Variants in KMT2B observed in about 807,000 individuals in gnomAD.
The protein encoded by KMT2B is histone-lysine N-methyltransferase 2B.
Under a neutral mutation model 255.3 loss-of-function variants are expected in KMT2B, and 22 were observed. The ratio of observed to expected loss-of-function variants is 0.09; its 90% CI spans 0.06 to 0.12. The LOEUF (loss-of-function observed/expected upper bound fraction) is 0.12. Ranked by LOEUF, KMT2B falls within the 10% of genes least tolerant of loss-of-function variation. KMT2B has a pLI of 1.00. For missense variants in KMT2B, 3,149 were observed against 3,737.0 expected, an observed-to-expected ratio of 0.84 and a Z score of 4.10; for synonymous variants, 1,730 against 1,498.1, an observed-to-expected ratio of 1.15 and a Z score of -3.57.
chr19:35,728,153 G>A lies in KMT2B; in HGVS notation c.4553G>A (p.Arg1518Gln), dbSNP rs1399559210. ...GCCCACGACCCCAAGTACTGGCGAC[G>A]GAGTACCCGGCTGCCAAAGTGAGCA... ...FDAHDPKYWRRSTRLPNGVLP... is the reference protein window; with the variant it reads ...FDAHDPKYWRQSTRLPNGVLP... The change falls in exon 19 of 37, where the codon CGG becomes CAG. Residue 1518 changes from arginine to glutamine, a missense_variant. Arg to Gln is a conservative substitution (Grantham distance 43). Coordinates refer to ENST00000420124, the MANE Select transcript of KMT2B (RefSeq NM_014727.3). 13 of 1,595,016 alleles carry A rather than the reference G, an allele frequency of 8.2e-6. No individual in the cohort carries two copies. Among genetic ancestry groups the A allele is most frequent in the Middle Eastern group, 1.7e-4 (1 of 5,900 alleles).
chr19:35,722,468 C>T lies in KMT2B; in HGVS notation c.2567C>T (p.Pro856Leu). The T allele has an allele frequency of 1.9e-6, 3 of 1,607,362 alleles. No homozygotes were observed. Among genetic ancestry groups the T allele is most frequent in the South Asian group, 1.1e-5 (1 of 90,994 alleles). The change falls in exon 4 of 37, where the codon CCC (proline) becomes CTC (leucine). Residue 856 changes from proline to leucine, a missense_variant. Pro to Leu is a moderately conservative substitution (Grantham distance 98). Coordinates refer to ENST00000420124, the MANE Select transcript of KMT2B (RefSeq NM_014727.3). ...DESVEAKRER[P>L]SGPESPVQGP... ...TCGGTGGAAGCTAAGAGAGAGCGGC[C>T]CTCAGTATGCATCGGGAGGAGGGCC...
rs1000617920 is a variant in KMT2B at position 35,723,579 on chromosome 19, T to C, written c.3058+77T>C. ...TGTGGAGGGAGCTGTTTTTCTTTGC[T>C]CTCCTCCCTTGCAGCTCACCCTCTC... On this transcript the variant is annotated intron_variant, in intron 7 of 36. Coordinates refer to ENST00000420124, the MANE Select transcript of KMT2B (RefSeq NM_014727.3). This position sits in a 1 kb window ranked among gnomAD's most constrained non-coding sequence, Gnocchi z 7.5. 2 of 1,392,536 alleles carry C rather than the reference T, an allele frequency of 1.4e-6. No homozygotes were observed. Among genetic ancestry groups the C allele is most frequent in the Non-Finnish European group, 2.0e-6 (2 of 1,021,842 alleles). 86.3% of individuals were successfully genotyped at this position (1,392,536 alleles called of 1,614,324 possible). A position where few individuals can be genotyped will look rare whatever the true frequency, so the allele number is the denominator to read the frequency against.
chr19:35,732,857 C>T lies in KMT2B; in HGVS notation c.6308C>T (p.Ala2103Val). 1 of 1,609,500 alleles carries T rather than the reference C, an allele frequency of 6.2e-7. No individual in the cohort carries two copies. The highest frequency in any genetic ancestry group is 8.5e-7 in the Non-Finnish European group (1 of 1,178,528). ...GTCCTTGGGGCTGCAGGGGACAGGGCCCGGCCTCCTGAGGACCTGCCATCG... is the reference window on the plus strand; with the variant it reads ...GTCCTTGGGGCTGCAGGGGACAGGGTCCGGCCTCCTGAGGACCTGCCATCG... Reference protein sequence around the residue: ...AGVLGAAGDRARPPEDLPSEI... With the variant: ...AGVLGAAGDRVRPPEDLPSEI... The change falls in exon 28 of 37, where the codon GCC (alanine) becomes GTC (valine). Residue 2103 changes from alanine (A) to valine (V), a missense_variant. Around this residue, in one of 18 missense-constraint regions of KMT2B, gnomAD observed 897 missense variants for 825.3 expected, o/e 1.09. Transcript: ENST00000420124.
chr19:35,734,366 G>T (rs551174634), intron 30 of KMT2B, among the ~76,000 whole-genome samples: 6 of 152,176 alleles, frequency 3.9e-5, no homozygotes, highest in Non-Finnish European at 8.8e-5. Context: ...AGAGCAGGTG[G>T]CACAGGGTGG....
At position 35,720,250 on chromosome 19, in the gene KMT2B, C is replaced by T. The variant is rs1969130015; in HGVS notation, c.903C>T (p.Leu301=). The T allele has an allele frequency of 1.2e-6, 2 of 1,612,554 alleles. No homozygotes were observed. The highest frequency in any genetic ancestry group is 1.7e-5 in the Admixed American group (1 of 59,878). Residue 301 remains leucine, a synonymous_variant, in exon 3 of 37, where the codon CTC becomes CTT. Transcript: ENST00000420124. Reference sequence around the variant, plus strand: ...GGGGCCGCGGCCGAGGTGGTGGGCTCCCCTTTGTGATCAAGTTTGTTTCAA... The same window carrying T: ...GGGGCCGCGGCCGAGGTGGTGGGCTTCCCTTTGTGATCAAGTTTGTTTCAA... ...GGRGRGRGGG[L]PFVIKFVSRA...
rs780027883 is a variant in KMT2B at position 35,721,502 on chromosome 19, G to A, written c.2155G>A (p.Val719Met). ...PVVTTPVKAE[V>M]SPHGAPALSN... ...GGTCACCACTCCTGTTAAGGCCGAGGTGTCCCCTCACGGGGCTCCAGCTCT... is the reference window on the plus strand; with the variant it reads ...GGTCACCACTCCTGTTAAGGCCGAGATGTCCCCTCACGGGGCTCCAGCTCT... Residue 719 changes from valine to methionine, a missense_variant, in exon 3 of 37, where the codon GTG (valine) becomes ATG (methionine). Val to Met is a conservative substitution (Grantham distance 21, BLOSUM62 1). Around this residue, in one of 18 missense-constraint regions of KMT2B, gnomAD observed 1,188 missense variants for 1,106.4 expected, o/e 1.07. Transcript: ENST00000420124. The A allele has an allele frequency of 2.5e-6, 4 of 1,612,372 alleles. No homozygotes were observed. Among genetic ancestry groups the A allele is most frequent in the East Asian group, 4.5e-5 (2 of 44,860 alleles).
At position 35,723,853 on chromosome 19, in the gene KMT2B, C is replaced by A; in HGVS notation, c.3180C>A (p.Ala1060=). 1 of 1,604,256 alleles carries A rather than the reference C, an allele frequency of 6.2e-7. No homozygotes were observed. The highest frequency in any genetic ancestry group is 1.3e-5 in the African/African-American group (1 of 74,858). The stretch of plus-strand genomic sequence containing the variant: ...GGGGGCCCCGGGAGGAGGTGGTGGC[C>A]CACCCAGGGCCCGAGGAGCAGGACT... ...GAGGPREEVV[A]HPGPEEQDSL... Residue 1060 remains alanine (A), a synonymous_variant, in exon 8 of 37, where the codon GCC becomes GCA. Coordinates refer to ENST00000420124, the MANE Select transcript of KMT2B (RefSeq NM_014727.3). This position sits in a 1 kb window ranked among gnomAD's most constrained non-coding sequence, Gnocchi z 7.5.
rs750180408 is a variant in KMT2B, at chr19:35,722,367, T to C, written c.2466T>C (p.Pro822=). The change falls in exon 4 of 37, where the codon CCT becomes CCC. Residue 822 remains proline, a synonymous_variant. Coordinates refer to ENST00000420124, the MANE Select transcript of KMT2B (RefSeq NM_014727.3). ...QKVAASMPLS[P]GGQMEEVAGA... is the part of the protein sequence containing the mutation. Reference sequence around the variant, plus strand: ...TGTTTATTCCCTGCCAGCTGAGCCCTGGAGGGCAGATGGAGGAGGTGGCCG... The same window carrying C: ...TGTTTATTCCCTGCCAGCTGAGCCCCGGAGGGCAGATGGAGGAGGTGGCCG... The C allele has an allele frequency of 7.5e-6, 12 of 1,609,192 alleles. No individual in the cohort carries two copies. The South Asian group carries it at 1.3e-4, about 18-fold the overall frequency.
chr19:35,722,003 C>CT lies in KMT2B; in HGVS notation c.2457+215dup, dbSNP rs55836857. On this transcript the variant is annotated intron_variant, in intron 3 of 36. Transcript: ENST00000420124. ...GTGCTAGTTCCCTGTCCCTATCTTC[C>CT]TTTTTTTTTTTTTTTTATTTTTGAG... 4.1e-3 allele frequency among the ~76,000 whole-genome samples: 552 copies of CT among 134,654 alleles called. 2 individuals are homozygous for CT. The highest frequency in any genetic ancestry group is 7.2e-3 in the East Asian group (34 of 4,704). The allele number at this position is 134,654 out of a possible 152,430, so 88.3% of individuals were successfully genotyped here. A position where few individuals can be genotyped will look rare whatever the true frequency, so the allele number is the denominator to read the frequency against.
rs1970019014 is a variant in KMT2B, at chr19:35,738,717, C to T, written c.*160C>T. Reference sequence around the variant, plus strand: ...CAGGTGACAAGGGCCCTGCCTCCACCCCTCCAGCCCATCCAGCAATCGCCC... The same window carrying T: ...CAGGTGACAAGGGCCCTGCCTCCACTCCTCCAGCCCATCCAGCAATCGCCC... On this transcript the variant is annotated 3_prime_UTR_variant, in exon 37 of 37. Transcript: ENST00000420124. The surrounding 1 kb of genome is among the most constrained non-coding windows in gnomAD (Gnocchi z 8.7). 2.7e-6 allele frequency: 2 copies of T among 743,196 alleles called. No homozygotes were observed. The highest frequency in any genetic ancestry group is 2.7e-5 in the East Asian group (1 of 36,876). 46.0% of individuals were successfully genotyped at this position (743,196 alleles called of 1,614,324 possible). A position where few individuals can be genotyped will look rare whatever the true frequency, so the allele number is the denominator to read the frequency against.
At chr19:35,726,623 G>T (rs1969461563) in intron 14 of KMT2B, among the ~76,000 whole-genome samples, 1 of 152,152 alleles carries the variant, frequency 6.6e-6, no homozygotes, top group Non-Finnish European at 1.5e-5. Flanking sequence ...TCTCCATTGA[G>T]CGGTTTGGAA....
chr19:35,738,058 G>A lies in KMT2B; in HGVS notation c.7743-4G>A, dbSNP rs751934023. ...CTGAGTTCCCTGTTCATCCTGCCCT[G>A]CAGATCAGCCATCCACGGGCGAGGC... On this transcript the variant is annotated splice_region_variant and splice_polypyrimidine_tract_variant and intron_variant, in intron 35 of 36. Coordinates refer to ENST00000420124, the MANE Select transcript of KMT2B (RefSeq NM_014727.3). This position sits in a 1 kb window ranked among gnomAD's most constrained non-coding sequence, Gnocchi z 8.7. 1.9e-6 allele frequency: 3 copies of A among 1,613,758 alleles called. No homozygotes were observed. Among genetic ancestry groups the A allele is most frequent in the Non-Finnish European group, 1.7e-6 (2 of 1,179,856 alleles).
At position 35,718,870 on chromosome 19, in the gene KMT2B, G is replaced by A. The variant is rs1220172279; in HGVS notation, c.363+489G>A. 6.6e-6 allele frequency among the ~76,000 whole-genome samples: 1 copy of A among 152,174 alleles called. No homozygotes were observed. The highest frequency in any genetic ancestry group is 2.4e-5 in the African/African-American group (1 of 41,434). On this transcript the variant is annotated intron_variant, in intron 1 of 36. Transcript: ENST00000420124. The surrounding 1 kb of genome is among the most constrained non-coding windows in gnomAD (Gnocchi z 5.0). ...TGGAGGGCTTCCTCTTGGGGCTCGG[G>A]TTGAACAGGAGTGGGATGAAGGCCG...
At position 35,725,429 on chromosome 19, in the gene KMT2B, C is replaced by G. The variant is rs1321926750; in HGVS notation, c.3643-50C>G. 1.2e-6 allele frequency: 2 copies of G among 1,600,872 alleles called. No homozygotes were observed. Among genetic ancestry groups the G allele is most frequent in the Admixed American group, 1.7e-5 (1 of 59,806 alleles). On this transcript the variant is annotated intron_variant, in intron 11 of 36. Transcript: ENST00000420124. This position sits in a 1 kb window ranked among gnomAD's most constrained non-coding sequence, Gnocchi z 4.1. ...TCTCAGCTGGGTCTCATCCCTTGGC[C>G]CTCTGGCCTCATGCTATGCCCATCA...
At chr19:35,726,477 T>G in intron 14 of KMT2B, 124 bp downstream of exon 14, 1 of 688,020 alleles carries the variant, frequency 1.5e-6, no homozygotes, top group Non-Finnish European at 2.7e-6. Context: ...GGACTATCTC[T>G]TCAACTCAGG....
Position 35,732,299 on chromosome 19 carries a change from G to A in KMT2B, c.5750G>A (p.Ser1917Asn), listed in dbSNP as rs756939385. Residue 1917 changes from serine to asparagine, a missense_variant, in exon 28 of 37, where the codon AGC (serine) becomes AAC (asparagine). Physicochemically the swap from Ser to Asn is conservative, Grantham distance 46 (BLOSUM62 1). Coordinates refer to ENST00000420124, the MANE Select transcript of KMT2B (RefSeq NM_014727.3). ...CCCCCCAGACGTTCCCGTCGTCCCA[G>A]CCCTTTGGCTCCCAGGCCGCCTCCA... The part of the protein sequence containing the change: ...PAPPRRSRRP[S>N]PLAPRPPPSR... The A allele has an allele frequency of 1.2e-6, 2 of 1,610,858 alleles. No homozygotes were observed. Among genetic ancestry groups the A allele is most frequent in the Admixed American group, 3.3e-5 (2 of 59,708 alleles).
At position 35,721,609 on chromosome 19, in the gene KMT2B, G is replaced by T; in HGVS notation, c.2262G>T (p.Pro754=). 2 of 1,608,444 alleles carry T rather than the reference G, an allele frequency of 1.2e-6. No individual in the cohort carries two copies. The change falls in exon 3 of 37, where the codon CCG becomes CCT. Residue 754 remains proline (P), a synonymous_variant. Coordinates refer to ENST00000420124, the MANE Select transcript of KMT2B (RefSeq NM_014727.3). ...CCCAGCTCCTGCCCCAGGCACTACC[G>T]CCACCACAGCCACAGCTGCAGCCAC... is the stretch of plus-strand genomic sequence containing the variant. The part of the protein sequence containing the change: ...LQTQLLPQAL[P]PPQPQLQPPP...
In KMT2B at chr19:35,733,303, G is replaced by GGCCCCCCCCCC; in HGVS notation, c.6754_6755insGCCCCCCCCCC (p.Ala2252GlyfsTer13). ...GCCCGTGGTCGGAGTGGTCCGCCCTGCCCCGCCCCCGCCACCCCCTCCCCT... is the reference window on the plus strand; with the variant it reads ...GCCCGTGGTCGGAGTGGTCCGCCCTGGCCCCCCCCCCCCCCGCCCCCGCCACCCCCTCCCCT... On this transcript the variant is annotated frameshift_variant, in exon 28 of 37. Coordinates refer to ENST00000420124, the MANE Select transcript of KMT2B (RefSeq NM_014727.3). LOFTEE classifies it high-confidence loss of function. The surrounding 1 kb of genome is among the most constrained non-coding windows in gnomAD (Gnocchi z 4.3). 1 of 1,340,098 alleles carries GGCCCCCCCCCC rather than the reference G, an allele frequency of 7.5e-7. No individual in the cohort carries two copies. Among genetic ancestry groups the GGCCCCCCCCCC allele is most frequent in the Non-Finnish European group, 1.0e-6 (1 of 961,264 alleles). 83.0% of individuals were successfully genotyped at this position (1,340,098 alleles called of 1,614,324 possible).
Position 35,720,781 on chromosome 19 carries a change from G to A in KMT2B, c.1434G>A (p.Gln478=). 6.7e-7 allele frequency: 1 copy of A among 1,482,914 alleles called. No homozygotes were observed. Among genetic ancestry groups the A allele is most frequent in the Non-Finnish European group, 9.0e-7 (1 of 1,113,124 alleles). 91.9% of individuals were successfully genotyped at this position (1,482,914 alleles called of 1,614,324 possible). The part of the protein sequence containing the change: ...KRGRPPLTPS[Q]RAEREAARAG... ...GCCGGCCTCCCCTGACTCCCAGCCAGCGGGCGGAGCGGGAAGCTGCTCGGG... is the reference window on the plus strand; with the variant it reads ...GCCGGCCTCCCCTGACTCCCAGCCAACGGGCGGAGCGGGAAGCTGCTCGGG... The change falls in exon 3 of 37, where the codon CAG becomes CAA. Residue 478 remains glutamine, a synonymous_variant. Transcript: ENST00000420124.
Sources: gnomAD v4.1 joint callset for allele counts (sites outside exome capture counted in the v4.1 genomes callset) on GRCh38, gnomAD v4.1.1 for gene constraint, gnomAD v4.1.1 regional missense constraint, Gnocchi (gnomAD v3.1) non-coding constraint, MANE v1.5 for transcripts, NCBI Gene and HGNC (gene_info 2026-07-23, HGNC 2026-07-21) for gene names.